OSBP: variants seen among roughly 807,000 people sequenced by gnomAD.
OSBP encodes oxysterol-binding protein 1.
Under a neutral mutation model 96.6 loss-of-function variants are expected in OSBP, and 32 were observed. The observed-to-expected ratio is 0.33, with a 90% CI of 0.25 to 0.45. The LOEUF (loss-of-function observed/expected upper bound fraction) is 0.45, where lower values mean the gene tolerates loss of function less well. Among genes scored for constraint, OSBP ranks in the 20% least tolerant of loss-of-function variants. The probability of loss-of-function intolerance (pLI) is 1.00; values close to 1 mark genes in which losing one functional copy is unlikely to be tolerated. For synonymous variants in OSBP, 369 were observed against 389.6 expected (o/e 0.95, Z 0.62); for missense variants, 653 against 1,029.7 (o/e 0.63, Z 5.01).
At chr11:59,579,725 C>CT (rs572585616) in intron 11 of OSBP, among the ~76,000 whole-genome samples, 127 of 141,496 alleles carry the variant, frequency 9.0e-4, no homozygotes, top group Middle Eastern at 4.6e-3. Flanking sequence ...TTCACCTCTA[C>CT]TTTTTTTTTT....
At chr11:59,592,092 C>T (rs764953244) in intron 9 of OSBP, among the ~76,000 whole-genome samples, 8 of 152,196 alleles carry the variant, frequency 5.3e-5, no homozygotes, top group East Asian at 1.9e-4. Flanking sequence ...GCAATACGGC[C>T]ACTGACACCC....
At chr11:59,582,760 G>A (rs1379293847) in intron 9 of OSBP, among the ~76,000 whole-genome samples, 1 of 152,072 alleles carries the variant, frequency 6.6e-6, no homozygotes, top group African/African-American at 2.4e-5. Flanking sequence ...ACTCTGGGTG[G>A]GTAGTGTCAG....
chr11:59,588,571 T>C (rs995692758), intron 9 of OSBP, among the ~76,000 whole-genome samples: 2 of 151,096 alleles, frequency 1.3e-5, no homozygotes, highest in African/African-American at 2.4e-5. Flanking sequence ...TTAATGTATA[T>C]AGAGTTCCCG....
Position 59,574,744 on chromosome 11 carries a change from T to A in OSBP, c.*1833A>T, listed in dbSNP as rs1260983918. 6.6e-6 allele frequency: 1 copy of A among 152,554 alleles called. No individual in the cohort carries two copies. 9.5% of individuals were successfully genotyped at this position (152,554 alleles called of 1,614,324 possible). On this transcript the variant is annotated 3_prime_UTR_variant, in exon 14 of 14. Coordinates refer to ENST00000263847, the MANE Select transcript of OSBP (RefSeq NM_002556.3). ...TGGGAATAAGGTTCTTAGGAGGAAATTCCCCAGCAGTCAAAGTCACTCCTC... is the reference window on the plus strand; with the variant it reads ...TGGGAATAAGGTTCTTAGGAGGAAAATCCCCAGCAGTCAAAGTCACTCCTC...
intron 6 of OSBP, 30 bp from the exon 7 acceptor site, chr11:59,600,657 C>T: frequency 1.9e-6 from 3 of 1,604,584 alleles, no homozygotes; most frequent in Non-Finnish European, 2.5e-6. Flanking sequence ...ATTCAACCAC[C>T]CACAAAGAAC....
Position 59,575,068 on chromosome 11 carries a change from C to A in OSBP, c.*1509G>T, listed in dbSNP as rs1343919250. ...AACAGAGAAGGAAGCCAGGGCCCCA[C>A]AGGAGCAATTATCTGATCCACCCCA... is the stretch of plus-strand genomic sequence containing the variant. On this transcript the variant is annotated 3_prime_UTR_variant, in exon 14 of 14. Coordinates refer to ENST00000263847, the MANE Select transcript of OSBP (RefSeq NM_002556.3). 1 of 152,174 alleles carries A rather than the reference C, an allele frequency of 6.6e-6. No homozygotes were observed. The highest frequency in any genetic ancestry group is 1.5e-5 in the Non-Finnish European group (1 of 68,108). 9.4% of individuals were successfully genotyped at this position (152,174 alleles called of 1,614,324 possible). A position where few individuals can be genotyped will look rare whatever the true frequency, so the allele number is the denominator to read the frequency against.
chr11:59,581,797 T>A (rs751777089), intron 9 of OSBP, among the ~76,000 whole-genome samples: 2 of 152,238 alleles, frequency 1.3e-5, no homozygotes, highest in African/African-American at 2.4e-5. Flanking sequence ...TGGCAACTGA[T>A]ATACCTTAGC....
chr11:59,582,565 T>C lies in OSBP; in HGVS notation c.1679-1011A>G, dbSNP rs567228581. 1.4e-3 allele frequency among the ~76,000 whole-genome samples: 217 copies of C among 152,284 alleles called. 1 individual carries two copies. The highest frequency in any genetic ancestry group is 5.0e-3 in the African/African-American group (208 of 41,554). Reference sequence around the variant, plus strand: ...TGAATAATAAAACGGTAATGATAAGTAGAGCACTTTCCTGAGTTGAGTCAT... The same window carrying C: ...TGAATAATAAAACGGTAATGATAAGCAGAGCACTTTCCTGAGTTGAGTCAT... On this transcript the variant is annotated intron_variant, in intron 9 of 13. Transcript: ENST00000263847.
intron 9 of OSBP, among the ~76,000 whole-genome samples, chr11:59,590,735 T>C (rs1860567448): frequency 6.6e-6 from 1 of 152,218 alleles, no homozygotes; most frequent in African/African-American, 2.4e-5. Context: ...CATATATTTT[T>C]CTTCAGCTAT....
At chr11:59,579,534 T>C (rs1375361559) in intron 11 of OSBP, among the ~76,000 whole-genome samples, 2 of 151,864 alleles carry the variant, frequency 1.3e-5, no homozygotes, top group African/African-American at 4.8e-5. Context: ...GGTTTCTCCA[T>C]GTTGGTCAGG....
chr11:59,603,529 GTTTTTTTTT>G (rs370609645), intron 3 of OSBP, among the ~76,000 whole-genome samples: 1 of 86,764 alleles, frequency 1.2e-5, no homozygotes, highest in Non-Finnish European at 2.2e-5. Flanking sequence ...ATCACCTTCA[GTTTTTTTTT>G]TTTTTTTTTT....
rs1009075506 is a variant in OSBP at position 59,576,908 on chromosome 11, A to G, written c.2178T>C (p.Asn726=). The change falls in exon 13 of 14, where the codon AAT becomes AAC. Residue 726 remains asparagine, a synonymous_variant. Transcript: ENST00000263847. ...RLRPDQRLME[N]GRWDEANAEK... is the part of the protein sequence containing the mutation. Reference sequence around the variant, plus strand: ...CCGCATTTGCTTCATCCCAGCGTCCATTTTCCATCAGTCTCTGGTCAGGTC... The same window carrying G: ...CCGCATTTGCTTCATCCCAGCGTCCGTTTTCCATCAGTCTCTGGTCAGGTC... 5 of 1,614,064 alleles carry G rather than the reference A, an allele frequency of 3.1e-6. No homozygotes were observed. Among genetic ancestry groups the G allele is most frequent in the Non-Finnish European group, 4.2e-6 (5 of 1,180,026 alleles).
chr11:59,580,169 C>T lies in OSBP; in HGVS notation c.1878+5G>A, dbSNP rs1317744057. The T allele has an allele frequency of 1.3e-6, 2 of 1,580,652 alleles. No homozygotes were observed. The highest frequency in any genetic ancestry group is 1.1e-5 in the South Asian group (1 of 90,402). The stretch of plus-strand genomic sequence containing the variant: ...TGAAACAATTTAAATTTCAACTTCC[C>T]TTACCTTTCTTGCTACATCCCGAGA... On this transcript the variant is annotated splice_donor_5th_base_variant and intron_variant, in intron 11 of 13. Coordinates refer to ENST00000263847, the MANE Select transcript of OSBP (RefSeq NM_002556.3).
chr11:59,612,967 T>C lies in OSBP; in HGVS notation c.362+2336A>G, dbSNP rs76528392. The stretch of plus-strand genomic sequence containing the variant: ...AGGACAGCTCATCCGAGGATGGGTC[T>C]AGGAAGTACACAATCCCACTTAAAA... On this transcript the variant is annotated intron_variant, in intron 1 of 13. Transcript: ENST00000263847. Among the ~76,000 whole-genome samples the C allele has an allele frequency of 5.7e-3, 875 of 152,266 alleles. 4 individuals carry two copies. The highest frequency in any genetic ancestry group is 0.02 in the African/African-American group (824 of 41,546).
chr11:59,602,840 G>A (rs1239099447), intron 3 of OSBP, among the ~76,000 whole-genome samples: 2 of 152,122 alleles, frequency 1.3e-5, no homozygotes, highest in East Asian at 1.9e-4. Flanking sequence ...GACTAGTATC[G>A]AACTCACGGA....
intron 1 of OSBP, among the ~76,000 whole-genome samples, chr11:59,614,823 C>CG (rs1387558770): frequency 6.6e-6 from 1 of 152,192 alleles, no homozygotes; most frequent in Non-Finnish European, 1.5e-5. Context: ...GGAGCAAGGA[C>CG]GGGTACATCC....
chr11:59,597,220 G>A (rs760564775), intron 7 of OSBP, among the ~76,000 whole-genome samples: 5 of 151,794 alleles, frequency 3.3e-5, no homozygotes, highest in Non-Finnish European at 7.4e-5. Context: ...CAACATGCCC[G>A]GCTAATTTTT....
At chr11:59,589,241 G>T (rs1488854805) in intron 9 of OSBP, among the ~76,000 whole-genome samples, 7 of 150,508 alleles carry the variant, frequency 4.7e-5, no homozygotes, top group African/African-American at 1.2e-4. Context: ...TCCTGCCTTG[G>T]CCTCCCAAAG....
chr11:59,590,632 C>G (rs1038050007), intron 9 of OSBP, among the ~76,000 whole-genome samples: 1 of 152,196 alleles, frequency 6.6e-6, no homozygotes, highest in Non-Finnish European at 1.5e-5. Flanking sequence ...GTTTGAACGA[C>G]TTTTCCCTAG....
Sources: allele counts gnomAD v4.1 joint callset (sites outside exome capture counted in the v4.1 genomes callset), GRCh38; gene constraint gnomAD v4.1.1; transcripts MANE v1.5; gene names NCBI Gene and HGNC (gene_info 2026-07-23, HGNC 2026-07-21).